VPS13B: variants seen among roughly 807,000 people sequenced by gnomAD.
VPS13B encodes vacuolar protein sorting 13 homolog B, also known as intermembrane lipid transfer protein VPS13B.
A neutral mutation model predicts 426.4 loss-of-function variants in VPS13B; 285 were observed. The observed-to-expected ratio is 0.67, with a 90% CI of 0.61 to 0.74. The LOEUF is 0.74. Among genes scored for constraint, VPS13B ranks in the 30% least tolerant of loss-of-function variants. The pLI, the probability that VPS13B is intolerant of heterozygous loss-of-function variation, is 0.00. For missense variants in VPS13B, 4,537 were observed against 4,782.6 expected (o/e 0.95, Z 1.51); for synonymous variants, 1,676 against 1,676.4 (o/e 1.00, Z 0.01).
Position 99,853,957 on chromosome 8 carries a change from A to G in VPS13B, c.10568A>G (p.Tyr3523Cys), listed in dbSNP as rs398124326. 1.8e-4 allele frequency: 286 copies of G among 1,614,068 alleles called. No homozygotes were observed. The highest frequency in any genetic ancestry group is 2.2e-4 in the Non-Finnish European group (264 of 1,180,028). The change falls in exon 56 of 62, where the codon TAC (tyrosine) becomes TGC (cysteine). Residue 3523 changes from tyrosine to cysteine, a missense_variant. Physicochemically the swap from Tyr to Cys is radical, Grantham distance 194 (BLOSUM62 -2). Around this residue, in one of 2 missense-constraint regions of VPS13B, gnomAD observed 4,311 missense variants for 4,474.3 expected, o/e 0.96. Transcript: ENST00000357162. ...TACATCAAGACTTTGTTTGACACCT[A>G]CCTTCCTAACAGCAGGTTGGCTGGT... ...VYYIKTLFDT[Y>C]LPNSRLAGHS...
chr8:99,643,704 A>G (rs748953875), intron 34 of VPS13B, among the ~76,000 whole-genome samples: 4 of 152,206 alleles, frequency 2.6e-5, no homozygotes, highest in Non-Finnish European at 1.5e-5. Flanking sequence ...TAAATTGGCC[A>G]TGGTGAAAGT....
At chr8:99,046,331 T>C (rs780775115) in intron 3 of VPS13B, among the ~76,000 whole-genome samples, 2 of 152,200 alleles carry the variant, frequency 1.3e-5, no homozygotes, top group Non-Finnish European at 2.9e-5. Flanking sequence ...GTTCTTGATT[T>C]GATTCTCAGC....
intron 3 of VPS13B, among the ~76,000 whole-genome samples, chr8:99,040,925 A>G (rs60420184): frequency 0.024 from 3,658 of 152,260 alleles, 137 homozygotes; most frequent in African/African-American, 0.082. Flanking sequence ...GTGAAGGTCA[A>G]TTTAATTCTA....
chr8:99,535,973 G>T (rs1263067528), intron 30 of VPS13B, among the ~76,000 whole-genome samples: 1 of 149,284 alleles, frequency 6.7e-6, no homozygotes, highest in East Asian at 1.9e-4. Flanking sequence ...TTTTGAGATG[G>T]AGTTTTGCTC....
chr8:99,647,150 C>T (rs899069608), intron 34 of VPS13B, among the ~76,000 whole-genome samples: 2 of 151,986 alleles, frequency 1.3e-5, no homozygotes, highest in African/African-American at 4.8e-5. Flanking sequence ...AAAATCCTAG[C>T]ACAATGTGGC....
intron 31 of VPS13B, among the ~76,000 whole-genome samples, chr8:99,573,133 C>T (rs1449254761): frequency 6.6e-5 from 10 of 152,254 alleles, no homozygotes; most frequent in Middle Eastern, 3.4e-3. Flanking sequence ...ATCTTTTGCC[C>T]ACTTTTTGAT....
At chr8:99,341,713 C>G in intron 19 of VPS13B, 1 of 390,932 alleles carries the variant, frequency 2.6e-6, no homozygotes, top group South Asian at 2.4e-5. Context: ...ATTAGATATT[C>G]TGGGATCTTT....
intron 33 of VPS13B, among the ~76,000 whole-genome samples, chr8:99,609,683 A>C (rs551509084): frequency 1.3e-5 from 2 of 152,346 alleles, no homozygotes; most frequent in South Asian, 4.1e-4. Flanking sequence ...CATTGAACTG[A>C]ATATTAAAAA....
At chr8:99,518,717 T>A (rs1272475574) in intron 29 of VPS13B, among the ~76,000 whole-genome samples, 1 of 152,178 alleles carries the variant, frequency 6.6e-6, no homozygotes, top group African/African-American at 2.4e-5. Flanking sequence ...TAATCTGAAT[T>A]AGACCATACC....
At chr8:99,517,181 T>C (rs1588455601) in intron 29 of VPS13B, among the ~76,000 whole-genome samples, 2 of 152,230 alleles carry the variant, frequency 1.3e-5, no homozygotes, top group South Asian at 4.1e-4. Context: ...TGAGTTTATT[T>C]TGAGAATCTT....
At chr8:99,597,772 G>A (rs1252020800) in intron 33 of VPS13B, among the ~76,000 whole-genome samples, 3 of 151,968 alleles carry the variant, frequency 2.0e-5, no homozygotes, top group African/African-American at 4.8e-5. Flanking sequence ...AACCTAAACA[G>A]TTAAGTCGTT....
intron 21 of VPS13B, among the ~76,000 whole-genome samples, chr8:99,406,081 A>G (rs1815312939): frequency 6.6e-6 from 1 of 152,134 alleles, no homozygotes; most frequent in African/African-American, 2.4e-5. Flanking sequence ...CCCAGCCGCT[A>G]TATACTTTTC....
chr8:99,560,221 T>G (rs190721861), intron 31 of VPS13B, among the ~76,000 whole-genome samples: 50 of 152,314 alleles, frequency 3.3e-4, no homozygotes. Context: ...CTGTTATTGG[T>G]GAATAGGAAT....
rs116460739 is a variant in VPS13B at position 99,818,263 on chromosome 8, C to T, written c.8362-188C>T. On this transcript the variant is annotated intron_variant, in intron 45 of 61. Transcript: ENST00000357162. ...TTGTCTTTATGGAAAGAGTTGGCCC[C>T]GCTGACTCACTGCACATTTGCTTTC... Among the ~76,000 whole-genome samples, 678 of 152,156 alleles carry T rather than the reference C, an allele frequency of 4.5e-3. 5 individuals carry two copies. Among genetic ancestry groups the T allele is most frequent in the African/African-American group, 0.015 (611 of 41,512 alleles).
chr8:99,539,875 A>G lies in VPS13B; in HGVS notation c.4746-16575A>G, dbSNP rs1588475495. ...TTTTCTTTTTTGTACCATAAAACAG[A>G]AAAGGACTCATTTATTTCTATAAGC... is the stretch of plus-strand genomic sequence containing the variant. On this transcript the variant is annotated intron_variant, in intron 30 of 61. Coordinates refer to ENST00000357162, the MANE Select transcript of VPS13B (RefSeq NM_152564.5). Among the ~76,000 whole-genome samples the G allele has an allele frequency of 3.4e-5, 5 of 148,932 alleles. 1 individual carries two copies. The South Asian group carries it at 1.0e-3, about 31-fold the overall frequency.
At chr8:99,192,732 G>A (rs1813671367) in intron 16 of VPS13B, 144 bp from the exon 17 acceptor site, 2 of 734,266 alleles carry the variant, frequency 2.7e-6, no homozygotes, top group Admixed American at 2.8e-5. Context: ...TAGCAGAATT[G>A]CATATCTATT....
At chr8:99,475,115 TC>T (rs1819623436) in intron 24 of VPS13B, among the ~76,000 whole-genome samples, 2 of 152,162 alleles carry the variant, frequency 1.3e-5, no homozygotes, top group Non-Finnish European at 2.9e-5. Context: ...ACTCCATAAT[TC>T]CATTTACATA....
chr8:99,376,309 G>A (rs1284762462), intron 19 of VPS13B, among the ~76,000 whole-genome samples: 2 of 152,136 alleles, frequency 1.3e-5, no homozygotes, highest in Non-Finnish European at 2.9e-5. Flanking sequence ...GGTATCTTGT[G>A]AATTGAGTAT....
At chr8:99,046,875 A>C (rs1843267135) in intron 3 of VPS13B, among the ~76,000 whole-genome samples, 1 of 152,072 alleles carries the variant, frequency 6.6e-6, no homozygotes, top group Non-Finnish European at 1.5e-5. Context: ...CTGGTATGAA[A>C]CCCACTTGAT....
Sources: allele counts gnomAD v4.1 joint callset (sites outside exome capture counted in the v4.1 genomes callset), GRCh38; gene constraint gnomAD v4.1.1; regional missense constraint gnomAD v4.1.1; transcripts MANE v1.5; gene names NCBI Gene and HGNC (gene_info 2026-07-23, HGNC 2026-07-21).